The following STK39 variants were observed in gnomAD, a reference collection of about 807,000 sequenced individuals.
STK39 encodes STE20/SPS1-related proline-alanine-rich protein kinase.
A neutral mutation model predicts 77.8 loss-of-function variants in STK39; 20 were observed. That is an observed-to-expected ratio of 0.26 (90% CI 0.18 to 0.37). The LOEUF (loss-of-function observed/expected upper bound fraction) is 0.37. STK39 is among the 10% of genes least tolerant of loss of function. The pLI, the probability that STK39 is intolerant of heterozygous loss-of-function variation, is 1.00. For missense variants in STK39, 479 were observed against 656.5 expected (o/e 0.73, Z 2.95); for synonymous variants, 246 against 234.1 (o/e 1.05, Z -0.47).
chr2:167,966,063 G>A (rs893895448), intron 16 of STK39, among the ~76,000 whole-genome samples: 37 of 152,054 alleles, frequency 2.4e-4, no homozygotes, highest in African/African-American at 8.5e-4. Context: ...TCCATTCTGA[G>A]TGATCTGCAG....
chr2:168,020,393 TG>T (rs1349817439), intron 14 of STK39, among the ~76,000 whole-genome samples: 1 of 152,094 alleles, frequency 6.6e-6, no homozygotes, highest in Admixed American at 6.6e-5. Flanking sequence ...GCTGTTGCAA[TG>T]TTGAATGTTA....
At chr2:168,065,575 T>A (rs1011618444) in intron 12 of STK39, among the ~76,000 whole-genome samples, 194 bp from the exon 13 acceptor site, 5 of 152,204 alleles carry the variant, frequency 3.3e-5, no homozygotes, top group Non-Finnish European at 4.4e-5. Context: ...AGGCCCCTCC[T>A]GGCCTGTGAC....
intron 10 of STK39, among the ~76,000 whole-genome samples, chr2:168,114,765 T>A (rs574391365): frequency 6.6e-6 from 1 of 151,574 alleles, no homozygotes; most frequent in Non-Finnish European, 1.5e-5. Flanking sequence ...CATGAATGGC[T>A]GACATCGGAC....
chr2:168,016,427 C>T (rs1684411968), intron 15 of STK39, among the ~76,000 whole-genome samples: 1 of 110,960 alleles, frequency 9.0e-6, no homozygotes, highest in Non-Finnish European at 1.9e-5. Flanking sequence ...CACTACTGAA[C>T]ATGGGTGAAA....
At chr2:168,158,281 C>A (rs1265645645) in intron 5 of STK39, among the ~76,000 whole-genome samples, 1 of 152,202 alleles carries the variant, frequency 6.6e-6, no homozygotes, top group Admixed American at 6.5e-5. Context: ...CTCTTAAACC[C>A]TGAGTAGGCT....
intron 5 of STK39, among the ~76,000 whole-genome samples, chr2:168,159,329 AC>A (rs929650845): frequency 6.6e-6 from 1 of 151,950 alleles, no homozygotes; most frequent in Non-Finnish European, 1.5e-5. Context: ...GGACCGTCTC[AC>A]CCCTGCCGTT....
chr2:167,987,486 A>C (rs1683589947), intron 16 of STK39, among the ~76,000 whole-genome samples: 1 of 150,192 alleles, frequency 6.7e-6, no homozygotes, highest in East Asian at 1.9e-4. Flanking sequence ...TGCTGGGACA[A>C]AAATATATAT....
intron 16 of STK39, among the ~76,000 whole-genome samples, chr2:167,979,850 A>G (rs531258555): frequency 6.6e-6 from 1 of 152,350 alleles, no homozygotes; most frequent in Non-Finnish European, 1.5e-5. Flanking sequence ...GGAAGAAGTG[A>G]TATGACACAG....
chr2:168,014,705 G>A (rs1175924751), intron 15 of STK39, among the ~76,000 whole-genome samples: 1 of 152,196 alleles, frequency 6.6e-6, no homozygotes, highest in Non-Finnish European at 1.5e-5. Flanking sequence ...AGTAGGCACT[G>A]AGCAGATAGC....
At chr2:168,214,258 A>AC (rs202207396) in intron 1 of STK39, among the ~76,000 whole-genome samples, 2,157 of 151,386 alleles carry the variant, frequency 0.014, 38 homozygotes, top group East Asian at 0.034. Flanking sequence ...AACAACAACA[A>AC]AAAAAAAACA....
chr2:168,073,637 A>AT (rs897982948), intron 12 of STK39, among the ~76,000 whole-genome samples: 1 of 151,984 alleles, frequency 6.6e-6, no homozygotes, highest in African/African-American at 2.4e-5. Flanking sequence ...GCTTATATAT[A>AT]TATTTTTCTG....
chr2:168,202,403 T>C (rs750947019), intron 1 of STK39, among the ~76,000 whole-genome samples: 4 of 152,196 alleles, frequency 2.6e-5, no homozygotes, highest in Non-Finnish European at 4.4e-5. Flanking sequence ...ACATTCACTT[T>C]ATACTCCTGA....
intron 10 of STK39, among the ~76,000 whole-genome samples, chr2:168,120,358 G>A (rs117351802): frequency 2.0e-5 from 3 of 152,178 alleles, no homozygotes; most frequent in East Asian, 1.9e-4. Flanking sequence ...GACCTTTCCC[G>A]TAGCTGTAGC....
intron 1 of STK39, among the ~76,000 whole-genome samples, chr2:168,233,683 T>C (rs181409064): frequency 1.3e-5 from 2 of 152,318 alleles, no homozygotes; most frequent in Admixed American, 6.5e-5. Context: ...AAATTAATTT[T>C]GGTACTATTT....
chr2:168,000,459 T>C (rs181095197), intron 16 of STK39, among the ~76,000 whole-genome samples: 1 of 152,326 alleles, frequency 6.6e-6, no homozygotes, highest in African/African-American at 2.4e-5. Flanking sequence ...TTTTTATGCT[T>C]CCCCGGAGTA....
intron 1 of STK39, among the ~76,000 whole-genome samples, chr2:168,188,573 G>T (rs1345108826): frequency 6.6e-6 from 1 of 152,162 alleles, no homozygotes; most frequent in African/African-American, 2.4e-5. Flanking sequence ...TAAGTTATTA[G>T]ATTGCAAGTG....
chr2:168,181,902 C>CTCTT (rs1391998126), intron 2 of STK39, 76 bp downstream of exon 2: 32 of 1,279,298 alleles, frequency 2.5e-5, no homozygotes, highest in Non-Finnish European at 3.6e-5. Flanking sequence ...TAACACCTTG[C>CTCTT]TCTTCTCCCA....
At chr2:168,101,676 T>C (rs1440343054) in intron 10 of STK39, among the ~76,000 whole-genome samples, 2 of 152,032 alleles carry the variant, frequency 1.3e-5, no homozygotes, top group African/African-American at 4.8e-5. Flanking sequence ...AGGCAGAGGC[T>C]GCAGGGGGCC....
At chr2:168,075,519 A>AT (rs1173701595) in intron 10 of STK39, among the ~76,000 whole-genome samples, 3 of 151,994 alleles carry the variant, frequency 2.0e-5, no homozygotes. Flanking sequence ...GATCAAGCTC[A>AT]TTTTTCATGT....
Sources: gnomAD v4.1 joint callset for allele counts (sites outside exome capture counted in the v4.1 genomes callset) on GRCh38, gnomAD v4.1.1 for gene constraint, MANE v1.5 for transcripts, NCBI Gene and HGNC (gene_info 2026-07-23, HGNC 2026-07-21) for gene names.